The following VPS4B variants were observed in gnomAD, a reference collection of about 807,000 sequenced individuals.
VPS4B encodes vacuolar protein sorting-associated protein 4B.
Under a neutral mutation model 56.1 loss-of-function variants are expected in VPS4B, and 23 were observed. The ratio of observed to expected loss-of-function variants is 0.41; its 90% confidence interval spans 0.30 to 0.58. The LOEUF (loss-of-function observed/expected upper bound fraction) is 0.58. Ranked by LOEUF, VPS4B falls within the 20% of genes least tolerant of loss-of-function variation. The probability of loss-of-function intolerance (pLI) is 0.29; values close to 1 mark genes in which losing one functional copy is unlikely to be tolerated. For missense variants in VPS4B, 372 were observed against 531.9 expected, an observed-to-expected ratio of 0.70 and a Z score of 2.96; for synonymous variants, 177 against 186.0, an observed-to-expected ratio of 0.95 and a Z score of 0.39.
chr18:63,407,375 ATTCACT>A, intron 4 of VPS4B, 51 bp downstream of exon 4: 1 of 1,392,814 alleles, frequency 7.2e-7, no homozygotes, highest in African/African-American at 1.5e-5. Context: ...CAAATAGACA[ATTCACT>A]TTGAGTCTTT....
chr18:63,404,775 A>C (rs1046541820), intron 4 of VPS4B: 2 of 152,204 alleles, frequency 1.3e-5, no homozygotes, highest in African/African-American at 4.8e-5. Context: ...AATCACTGCT[A>C]CTGATTGTTT....
intron 1 of VPS4B, among the ~76,000 whole-genome samples, chr18:63,421,296 C>T (rs950792407): frequency 2.0e-5 from 3 of 152,118 alleles, no homozygotes; most frequent in African/African-American, 7.2e-5. Flanking sequence ...GGTCTTTCTT[C>T]AGAATCAATT....
intron 1 of VPS4B, among the ~76,000 whole-genome samples, chr18:63,417,864 T>C (rs1333108391): frequency 6.6e-6 from 1 of 152,136 alleles, no homozygotes; most frequent in Non-Finnish European, 1.5e-5. Flanking sequence ...GTTGGGAACA[T>C]GTGGAATTGT....
At chr18:63,393,002 T>TCC (rs1479874458) in intron 10 of VPS4B, among the ~76,000 whole-genome samples, 1 of 152,158 alleles carries the variant, frequency 6.6e-6, no homozygotes, top group African/African-American at 2.4e-5. Context: ...CGCCTTGGCC[T>TCC]CCCAAAGTGC....
intron 1 of VPS4B, among the ~76,000 whole-genome samples, chr18:63,417,073 T>C (rs569581634): frequency 2.0e-4 from 31 of 152,252 alleles, no homozygotes; most frequent in African/African-American, 7.5e-4. Flanking sequence ...ATACAACAGG[T>C]ACTCGAAATT....
chr18:63,394,761 A>C (rs1336477346), intron 9 of VPS4B, among the ~76,000 whole-genome samples: 1 of 152,202 alleles, frequency 6.6e-6, no homozygotes, highest in East Asian at 1.9e-4. Flanking sequence ...CACCGCGCCC[A>C]GCCAACTTGG....
chr18:63,411,837 T>C (rs1916052416), intron 1 of VPS4B, among the ~76,000 whole-genome samples: 1 of 152,226 alleles, frequency 6.6e-6, no homozygotes, highest in African/African-American at 2.4e-5. Context: ...AATGTTACTT[T>C]AGTACCAATC....
intron 9 of VPS4B, among the ~76,000 whole-genome samples, chr18:63,393,946 C>A (rs1487587091): frequency 6.6e-6 from 1 of 152,004 alleles, no homozygotes; most frequent in Non-Finnish European, 1.5e-5. Flanking sequence ...ACCATGTTGG[C>A]CAAGATGGTC....
intron 7 of VPS4B, among the ~76,000 whole-genome samples, chr18:63,399,769 C>A (rs536152784): frequency 6.6e-6 from 1 of 152,018 alleles, no homozygotes; most frequent in East Asian, 1.9e-4. Flanking sequence ...CAAAATGAAA[C>A]AGTTTGTTAG....
chr18:63,407,247 C>A, intron 4 of VPS4B, 185 bp downstream of exon 4: 2 of 556,470 alleles, frequency 3.6e-6, no homozygotes, highest in Non-Finnish European at 6.2e-6. Flanking sequence ...AAGACCAAAC[C>A]ATGATCCTAG....
chr18:63,411,327 A>G (rs1916035969), intron 2 of VPS4B, 140 bp downstream of exon 2: 4 of 564,262 alleles, frequency 7.1e-6, no homozygotes, highest in South Asian at 9.2e-5. Context: ...AAAAATCACT[A>G]GAAAGAAAGT....
At chr18:63,408,398 T>C (rs1416498588) in intron 3 of VPS4B, among the ~76,000 whole-genome samples, 2 of 152,198 alleles carry the variant, frequency 1.3e-5, no homozygotes, top group East Asian at 1.9e-4. Context: ...AAGATTCACA[T>C]GACACTCACT....
chr18:63,411,607 T>C (rs750467269), intron 1 of VPS4B, 29 bp from the exon 2 acceptor site: 1 of 1,468,946 alleles, frequency 6.8e-7, no homozygotes, highest in South Asian at 1.4e-5. Context: ...ATAACAACAT[T>C]TAAATCAAAG....
rs1475310097 is a variant in VPS4B at position 63,397,154 on chromosome 18, T to C, written c.972A>G (p.Ala324=). Residue 324 remains alanine (A), a synonymous_variant, in exon 9 of 11, where the codon GCA becomes GCG. Coordinates refer to ENST00000238497, the MANE Select transcript of VPS4B (RefSeq NM_004869.4). ...TTTTCCTCCCAAGTTCCCGAAAGTC[T>C]GCTTCCGTGAGACTGTTCTGAGTGG... ...LGTTQNSLTE[A]DFRELGRKTD... The C allele has an allele frequency of 1.9e-6, 3 of 1,614,084 alleles. No homozygotes were observed. The highest frequency in any genetic ancestry group is 2.5e-6 in the Non-Finnish European group (3 of 1,180,048).
At chr18:63,413,417 T>C (rs990673519) in intron 1 of VPS4B, among the ~76,000 whole-genome samples, 2 of 151,980 alleles carry the variant, frequency 1.3e-5, no homozygotes, top group African/African-American at 2.4e-5. Flanking sequence ...CATGCGCCTA[T>C]AGTCCCAGCT....
chr18:63,395,750 T>C (rs149209362), intron 9 of VPS4B, among the ~76,000 whole-genome samples: 1 of 152,360 alleles, frequency 6.6e-6, no homozygotes, highest in Admixed American at 6.5e-5. Context: ...TTACTCAAAC[T>C]GGGTATCTCA....
intron 8 of VPS4B, 142 bp from the exon 9 acceptor site, chr18:63,397,395 C>T (rs1252137557): frequency 2.8e-6 from 2 of 724,834 alleles, no homozygotes; most frequent in Admixed American, 3.3e-5. Flanking sequence ...ATCCAGAACA[C>T]ATTAAAAACA....
intron 1 of VPS4B, among the ~76,000 whole-genome samples, chr18:63,413,755 G>A (rs1916100025): frequency 1.3e-5 from 2 of 152,116 alleles, no homozygotes; most frequent in Admixed American, 1.3e-4. Flanking sequence ...AACCAATTAT[G>A]TGTAAGAATA....
chr18:63,398,223 A>ATTT (rs869086603), intron 8 of VPS4B, among the ~76,000 whole-genome samples: 2 of 45,686 alleles, frequency 4.4e-5, no homozygotes, highest in Admixed American at 2.6e-4. Context: ...ATATATATAT[A>ATTT]TTTTTTTTTG....
Sources: allele counts gnomAD v4.1 joint callset (sites outside exome capture counted in the v4.1 genomes callset), GRCh38; gene constraint gnomAD v4.1.1; transcripts MANE v1.5; gene names NCBI Gene and HGNC (gene_info 2026-07-23, HGNC 2026-07-21).